The following ST8SIA5 variants were observed in gnomAD, a reference collection of about 807,000 sequenced individuals.
ST8SIA5 encodes ST8 alpha-N-acetyl-neuraminide alpha-2,8-sialyltransferase 5, also known as alpha-2,8-sialyltransferase 8E.
A neutral mutation model predicts 40.2 loss-of-function variants in ST8SIA5; 24 were observed. That is an observed-to-expected ratio of 0.60 (90% CI 0.43 to 0.84). The LOEUF (loss-of-function observed/expected upper bound fraction) is 0.84. Among genes scored for constraint, ST8SIA5 ranks in the 40% least tolerant of loss-of-function variants. The pLI, the probability that ST8SIA5 is intolerant of heterozygous loss-of-function variation, is 0.00. For synonymous variants in ST8SIA5, 198 were observed against 201.8 expected (o/e 0.98, Z 0.16); for missense variants, 465 against 498.5 (o/e 0.93, Z 0.64).
intron 2 of ST8SIA5, among the ~76,000 whole-genome samples, chr18:46,694,836 T>TAA (rs33979044): frequency 7.5e-5 from 11 of 146,868 alleles, no homozygotes; most frequent in African/African-American, 2.3e-4. Flanking sequence ...GTCCATTATT[T>TAA]AAAAAAAAAA....
chr18:46,739,467 G>A (rs2040067320), intron 1 of ST8SIA5, among the ~76,000 whole-genome samples: 1 of 152,206 alleles, frequency 6.6e-6, no homozygotes, highest in Non-Finnish European at 1.5e-5. Flanking sequence ...CCGGGAGGCG[G>A]AGGTTGCAGT....
chr18:46,726,893 C>A (rs1469625036), intron 1 of ST8SIA5, among the ~76,000 whole-genome samples: 3 of 152,112 alleles, frequency 2.0e-5, no homozygotes, highest in Non-Finnish European at 4.4e-5. Context: ...ACTGAGCAAA[C>A]AGAGCGAGAC....
chr18:46,704,538 G>A, intron 2 of ST8SIA5, 34 bp downstream of exon 2: 1 of 1,451,160 alleles, frequency 6.9e-7, no homozygotes, highest in Non-Finnish European at 9.6e-7. Context: ...ACCTCCACAT[G>A]CTCCCTGCAC....
chr18:46,682,239 G>C (rs1314858757), intron 5 of ST8SIA5, among the ~76,000 whole-genome samples, 175 bp from the exon 6 acceptor site: 1 of 152,216 alleles, frequency 6.6e-6, no homozygotes, highest in Non-Finnish European at 1.5e-5. Flanking sequence ...CTCCTTATCA[G>C]GCACTAGGAC....
chr18:46,687,037 T>C (rs1354894737), intron 4 of ST8SIA5, among the ~76,000 whole-genome samples: 1 of 152,148 alleles, frequency 6.6e-6, no homozygotes, highest in Admixed American at 6.5e-5. Flanking sequence ...TTAGGGAAGT[T>C]CAGGAAATGT....
At chr18:46,707,334 C>T (rs1404575347) in intron 1 of ST8SIA5, among the ~76,000 whole-genome samples, 1 of 152,212 alleles carries the variant, frequency 6.6e-6, no homozygotes, top group African/African-American at 2.4e-5. Flanking sequence ...GATATGGCTA[C>T]AAACCAGCTG....
Position 46,680,133 on chromosome 18 carries a change from A to T in ST8SIA5, c.1040T>A (p.Phe347Tyr). 6.2e-7 allele frequency: 1 copy of T among 1,614,210 alleles called. No homozygotes were observed. The highest frequency in any genetic ancestry group is 8.5e-7 in the Non-Finnish European group (1 of 1,180,034). Residue 347 changes from phenylalanine to tyrosine, a missense_variant, in exon 7 of 7, where the codon TTC becomes TAC. Phe to Tyr is a conservative substitution (Grantham distance 22). Coordinates refer to ENST00000315087, the MANE Select transcript of ST8SIA5 (RefSeq NM_013305.6). ...GAAGATCTCAGAGGGCATGGCGTGG[A>T]AGCCGGGACGCGGCTTGACGTTGTC... ...YYDNVKPRPG[F>Y]HAMPSEIFNF...
intron 1 of ST8SIA5, among the ~76,000 whole-genome samples, chr18:46,749,576 T>C (rs2040175972): frequency 6.6e-6 from 1 of 152,240 alleles, no homozygotes; most frequent in Non-Finnish European, 1.5e-5. Context: ...ATTATCAGTA[T>C]GTGCATAATC....
intron 4 of ST8SIA5, among the ~76,000 whole-genome samples, chr18:46,688,200 T>C (rs1312224334): frequency 6.6e-6 from 1 of 152,210 alleles, no homozygotes. Flanking sequence ...AATTCTTTTA[T>C]GTGAAAGGAA....
chr18:46,679,798 C>T lies in ST8SIA5; in HGVS notation c.*244G>A, dbSNP rs2039367935. 2 of 547,004 alleles carry T rather than the reference C, an allele frequency of 3.7e-6. No homozygotes were observed. Among genetic ancestry groups the T allele is most frequent in the South Asian group, 2.2e-5 (1 of 44,974 alleles). The allele number at this position is 547,004 out of a possible 1,614,324, so 33.9% of individuals were successfully genotyped here. A position where few individuals can be genotyped will look rare whatever the true frequency, so the allele number is the denominator to read the frequency against. ...TGGCCCAGCAGCATGCTAGCCAGGG[C>T]AGGTGGACGCACTGGGCGGATGCAC... On this transcript the variant is annotated 3_prime_UTR_variant, in exon 7 of 7. Transcript: ENST00000315087.
intron 1 of ST8SIA5, among the ~76,000 whole-genome samples, chr18:46,728,491 G>C (rs551947721): frequency 1.3e-5 from 2 of 152,246 alleles, no homozygotes; most frequent in Non-Finnish European, 2.9e-5. Context: ...TGAACCAAAA[G>C]AGGCTGAATC....
chr18:46,673,606 A>G lies in ST8SIA5; in HGVS notation c.*6436T>C, dbSNP rs1048465647. ...CACCCAGGTGATTCTGATGCAGGCC[A>G]TCAGAAGGCCATCCTACAGGGCATC... On this transcript the variant is annotated 3_prime_UTR_variant, in exon 7 of 7. Transcript: ENST00000315087. The G allele has an allele frequency of 1.3e-5, 2 of 152,142 alleles. No homozygotes were observed. The highest frequency in any genetic ancestry group is 2.9e-5 in the Non-Finnish European group (2 of 68,034). The allele number at this position is 152,142 out of a possible 1,614,324, so 9.4% of individuals were successfully genotyped here. A position where few individuals can be genotyped will look rare whatever the true frequency, so the allele number is the denominator to read the frequency against.
rs1235426885 is a variant in ST8SIA5, at chr18:46,682,006, C to T, written c.628G>A (p.Val210Met). The change falls in exon 6 of 7, where the codon GTG becomes ATG. Residue 210 changes from valine to methionine, a missense_variant. Coordinates refer to ENST00000315087, the MANE Select transcript of ST8SIA5 (RefSeq NM_013305.6). The part of the protein sequence containing the change: ...YTMDVGVKTD[V>M]VTVNPSIITE... ...ATGATGCTGGGGTTCACAGTGACCA[C>T]ATCCGTCTTCACCCCCACATCCATG... 6.2e-7 allele frequency: 1 copy of T among 1,614,026 alleles called. No individual in the cohort carries two copies. The highest frequency in any genetic ancestry group is 8.5e-7 in the Non-Finnish European group (1 of 1,179,982).
intron 1 of ST8SIA5, among the ~76,000 whole-genome samples, chr18:46,730,609 G>C (rs1482884570): frequency 4.6e-5 from 7 of 152,274 alleles, no homozygotes; most frequent in Admixed American, 3.9e-4. Flanking sequence ...AAGGCAGGGG[G>C]ATAGCTTGAG....
chr18:46,745,530 C>A (rs549707973), intron 1 of ST8SIA5, among the ~76,000 whole-genome samples: 3 of 152,162 alleles, frequency 2.0e-5, no homozygotes, highest in African/African-American at 7.2e-5. Context: ...GAAGTTGAAT[C>A]TCTGAATAGA....
In ST8SIA5 at chr18:46,677,177, G is replaced by C. The variant is rs973913830; in HGVS notation, c.*2865C>G. On this transcript the variant is annotated 3_prime_UTR_variant, in exon 7 of 7. Transcript: ENST00000315087. ...TCCTAGAGCATTTGTCCCTGGAGGA[G>C]GGCCCCGTACTATCCTGCAGGGGCA... The C allele has an allele frequency of 6.6e-6, 1 of 152,244 alleles. No individual in the cohort carries two copies. The highest frequency in any genetic ancestry group is 6.5e-5 in the Admixed American group (1 of 15,280). The allele number at this position is 152,244 out of a possible 1,614,324, so 9.4% of individuals were successfully genotyped here.
intron 1 of ST8SIA5, among the ~76,000 whole-genome samples, chr18:46,735,049 A>G (rs2040020735): frequency 6.6e-6 from 1 of 152,250 alleles, no homozygotes; most frequent in Non-Finnish European, 1.5e-5. Context: ...AGAATAAAGC[A>G]GACTTACTGA....
rs1217437179 is a variant in ST8SIA5, at chr18:46,686,207, C to T, written c.536G>A (p.Gly179Glu). The T allele has an allele frequency of 6.2e-7, 1 of 1,614,220 alleles. No individual in the cohort carries two copies. Among genetic ancestry groups the T allele is most frequent in the Admixed American group, 1.7e-5 (1 of 60,020 alleles). ...NGGILKNSRC[G>E]REINSADFVF... Reference sequence around the variant, plus strand: ...GAAGTCGGCGCTGTTGATCTCCCTCCCGCAGCGGCTGTTCTTCAAGATGCC... The same window carrying T: ...GAAGTCGGCGCTGTTGATCTCCCTCTCGCAGCGGCTGTTCTTCAAGATGCC... The change falls in exon 5 of 7, where the codon GGG (glycine) becomes GAG (glutamate). Residue 179 changes from glycine to glutamate, a missense_variant. By Grantham distance (98) the Gly-to-Glu change is moderately conservative. Coordinates refer to ENST00000315087, the MANE Select transcript of ST8SIA5 (RefSeq NM_013305.6).
chr18:46,738,542 T>C (rs904450981), intron 1 of ST8SIA5, among the ~76,000 whole-genome samples: 4 of 152,172 alleles, frequency 2.6e-5, no homozygotes, highest in Non-Finnish European at 5.9e-5. Flanking sequence ...CTTGCTGGCC[T>C]CACCTCATCT....
Sources: allele counts gnomAD v4.1 joint callset (sites outside exome capture counted in the v4.1 genomes callset), GRCh38; gene constraint gnomAD v4.1.1; transcripts MANE v1.5; gene names NCBI Gene and HGNC (gene_info 2026-07-23, HGNC 2026-07-21).